The following DIAPH2 variants were observed in gnomAD, a reference collection of about 807,000 sequenced individuals.
The protein encoded by DIAPH2 is diaphanous related formin 2, also known as protein diaphanous homolog 2.
A neutral mutation model predicts 92.7 loss-of-function variants in DIAPH2; 35 were observed. The observed-to-expected ratio is 0.38, with a 90% CI of 0.29 to 0.50. The LOEUF is 0.50. Ranked by LOEUF, DIAPH2 falls within the 20% of genes least tolerant of loss-of-function variation. DIAPH2 has a pLI of 0.94. For missense variants in DIAPH2, 701 were observed against 819.5 expected, an observed-to-expected ratio of 0.86 and a Z score of 1.77; for synonymous variants, 301 against 280.4, an observed-to-expected ratio of 1.07 and a Z score of -0.73.
intron 21 of DIAPH2, among the ~76,000 whole-genome samples, chrX:97,122,732 C>T (rs943860754): frequency 2.7e-5 from 3 of 111,496 alleles, no homozygotes; most frequent in Non-Finnish European, 1.9e-5. Flanking sequence ...ATTAGACTCT[C>T]GATCATTTAT....
At chrX:96,927,762 A>T (rs780575310) in intron 9 of DIAPH2, among the ~76,000 whole-genome samples, 1 of 110,963 alleles carries the variant, frequency 9.0e-6, no homozygotes, top group African/African-American at 3.3e-5. Flanking sequence ...GAAGTAAAGG[A>T]GAGGAGTGGT....
chrX:96,993,159 G>A (rs1215834577), intron 17 of DIAPH2, among the ~76,000 whole-genome samples: 2 of 112,273 alleles, frequency 1.8e-5, no homozygotes, highest in Non-Finnish European at 3.8e-5. Context: ...TAATCCAGAG[G>A]AAGAATTACT....
At chrX:96,917,977 T>C (rs746100601) in intron 8 of DIAPH2, among the ~76,000 whole-genome samples, 1 of 111,741 alleles carries the variant, frequency 8.9e-6, no homozygotes, top group African/African-American at 3.2e-5. Context: ...TTTTAATGTT[T>C]ATCACTTAAG....
chrX:96,911,973 A>G (rs890659754), intron 5 of DIAPH2, among the ~76,000 whole-genome samples: 1 of 111,955 alleles, frequency 8.9e-6, no homozygotes, highest in African/African-American at 3.2e-5. Context: ...TTAAAAGGGT[A>G]GTGATGTTAT....
intron 23 of DIAPH2, among the ~76,000 whole-genome samples, chrX:97,333,808 G>A (rs901403606): frequency 1.8e-5 from 2 of 109,898 alleles, no homozygotes; most frequent in Non-Finnish European, 3.8e-5. Flanking sequence ...CAGGTGATCC[G>A]CCCGCCTCGG....
chrX:97,486,747 A>G (rs1368252779), intron 26 of DIAPH2, among the ~76,000 whole-genome samples: 3 of 112,196 alleles, frequency 2.7e-5, no homozygotes, highest in Non-Finnish European at 3.8e-5. Flanking sequence ...AAATTTGGCT[A>G]TATTTGTTTT....
intron 25 of DIAPH2, among the ~76,000 whole-genome samples, chrX:97,400,459 T>A (rs1462449911): frequency 8.9e-6 from 1 of 112,069 alleles, no homozygotes; most frequent in African/African-American, 3.2e-5. Context: ...TGTTTTGACA[T>A]ATGTATACAT....
At chrX:96,857,051 A>T (rs904017115) in intron 4 of DIAPH2, among the ~76,000 whole-genome samples, 1 of 110,365 alleles carries the variant, frequency 9.1e-6, no homozygotes, top group African/African-American at 3.3e-5. Flanking sequence ...AAAAAAAGAA[A>T]AGTGGTGTTT....
At chrX:97,454,395 A>G (rs1268930552) in intron 26 of DIAPH2, among the ~76,000 whole-genome samples, 1 of 111,676 alleles carries the variant, frequency 9.0e-6, no homozygotes, top group East Asian at 2.8e-4. Flanking sequence ...AAAAAAAAGA[A>G]ATAGGTATAT....
chrX:97,126,574 G>A (rs187359246), intron 21 of DIAPH2, among the ~76,000 whole-genome samples: 263 of 112,089 alleles, frequency 2.3e-3, no homozygotes, highest in African/African-American at 8.0e-3. Flanking sequence ...AGGAGCTTAT[G>A]AGCTAGATGC....
At chrX:96,848,471 C>T (rs2064986752) in intron 4 of DIAPH2, among the ~76,000 whole-genome samples, 1 of 112,163 alleles carries the variant, frequency 8.9e-6, no homozygotes, top group Admixed American at 9.5e-5. Context: ...GATTGCTATG[C>T]CAACCAATAC....
At chrX:96,770,271 C>G (rs1256726337) in intron 4 of DIAPH2, among the ~76,000 whole-genome samples, 1 of 110,567 alleles carries the variant, frequency 9.0e-6, no homozygotes, top group African/African-American at 3.3e-5. Context: ...GTATTACTTA[C>G]TATAAGCTGC....
chrX:96,993,486 G>A (rs1204457766), intron 17 of DIAPH2, among the ~76,000 whole-genome samples: 1 of 111,943 alleles, frequency 8.9e-6, no homozygotes, highest in African/African-American at 3.3e-5. Context: ...AGGCACAGTG[G>A]AAGCAAGCAT....
chrX:97,422,413 C>T (rs990579227), intron 25 of DIAPH2, among the ~76,000 whole-genome samples: 1 of 111,507 alleles, frequency 9.0e-6, no homozygotes, highest in African/African-American at 3.3e-5. Flanking sequence ...CTCAAGCCCA[C>T]AGAAAGCTTA....
chrX:96,945,475 G>A, intron 13 of DIAPH2, 52 bp from the exon 14 acceptor site: 23 of 940,718 alleles, frequency 2.4e-5, no homozygotes, highest in Non-Finnish European at 3.4e-5. Context: ...GACGTCTTTT[G>A]TCTAGTGATC....
chrX:96,977,217 C>T (rs1044787671), intron 17 of DIAPH2, among the ~76,000 whole-genome samples: 6 of 111,674 alleles, frequency 5.4e-5, no homozygotes, highest in African/African-American at 2.0e-4. Context: ...AAAGATAGTT[C>T]TTCAGAGCTC....
intron 25 of DIAPH2, among the ~76,000 whole-genome samples, chrX:97,413,136 C>T (rs1281346480): frequency 8.9e-6 from 1 of 111,812 alleles, no homozygotes; most frequent in African/African-American, 3.3e-5. Flanking sequence ...CCCTGATGAA[C>T]ATCGATGTGA....
At chrX:97,285,179 A>G (rs961417841) in intron 23 of DIAPH2, among the ~76,000 whole-genome samples, 3 of 110,294 alleles carry the variant, frequency 2.7e-5, no homozygotes, top group Non-Finnish European at 5.7e-5. Context: ...TTCCCCTTCC[A>G]CCTTTCTTGT....
At chrX:97,171,120 C>T (rs1302715237) in intron 22 of DIAPH2, among the ~76,000 whole-genome samples, 2 of 111,654 alleles carry the variant, frequency 1.8e-5, no homozygotes. Context: ...GCAATCCACC[C>T]GCCTCGGCCT....
Sources: allele counts gnomAD v4.1 joint callset (sites outside exome capture counted in the v4.1 genomes callset), GRCh38; gene constraint gnomAD v4.1.1; transcripts MANE v1.5; gene names NCBI Gene and HGNC (gene_info 2026-07-23, HGNC 2026-07-21).